Variants in CELF2 observed in about 807,000 individuals in gnomAD.
CELF2 encodes the protein CUGBP Elav-like family member 2.
Under a neutral mutation model 62.6 loss-of-function variants are expected in CELF2, and 8 were observed. That is an observed-to-expected ratio of 0.13 (90% CI 0.07 to 0.23). CELF2 has a LOEUF of 0.23. CELF2 is among the 10% of genes least tolerant of loss of function. The probability of loss-of-function intolerance (pLI) is 1.00; values close to 1 mark genes in which losing one functional copy is unlikely to be tolerated. For missense variants in CELF2, 333 were observed against 671.0 expected, an observed-to-expected ratio of 0.50 and a Z score of 5.56; for synonymous variants, 258 against 250.0, an observed-to-expected ratio of 1.03 and a Z score of -0.30.
chr10:10,649,704 A>C, the CELF2 span, among the ~76,000 whole-genome samples: 1 of 152,220 alleles, frequency 6.6e-6, no homozygotes, highest in Non-Finnish European at 1.5e-5. Flanking sequence ...GTGAATTCCC[A>C]GGACCCCAGA....
chr10:11,233,295 C>T (rs539117344), intron 3 of CELF2, among the ~76,000 whole-genome samples: 3 of 152,296 alleles, frequency 2.0e-5, no homozygotes, highest in Non-Finnish European at 4.4e-5. Context: ...ACGCTGTCTC[C>T]TAAGTTACAG....
chr10:11,171,140 T>A (rs1385017649), intron 2 of CELF2: 1 of 152,236 alleles, frequency 6.6e-6, no homozygotes, highest in East Asian at 1.9e-4. Flanking sequence ...CCTTTTTTCT[T>A]GCAGTATGTT....
chr10:11,313,904 C>G (rs2094734765), intron 9 of CELF2, among the ~76,000 whole-genome samples: 1 of 152,144 alleles, frequency 6.6e-6, no homozygotes. Flanking sequence ...CGCAGATTTC[C>G]CCACCATCCA....
the CELF2 span, among the ~76,000 whole-genome samples, chr10:10,468,791 G>A: frequency 2.0e-5 from 3 of 151,808 alleles, no homozygotes; most frequent in African/African-American, 7.3e-5. Flanking sequence ...AGTTTATGTG[G>A]GTAACTATCC....
chr10:10,585,539 G>T, the CELF2 span, among the ~76,000 whole-genome samples: 1 of 152,206 alleles, frequency 6.6e-6, no homozygotes, highest in African/African-American at 2.4e-5. Context: ...TTGTGTGGAA[G>T]TGCAGTATTT....
chr10:10,921,351 C>A (rs2064890884), intron 2 of CELF2, among the ~76,000 whole-genome samples: 1 of 150,486 alleles, frequency 6.6e-6, no homozygotes, highest in Non-Finnish European at 1.5e-5. Flanking sequence ...CTCACTGCAA[C>A]CTCCGCCCCT....
chr10:11,334,680 C>G lies in CELF2; in HGVS notation c.*5627C>G, dbSNP rs2096085987. Reference sequence around the variant, plus strand: ...TGACCACACAGGTTAATTTCCCCTTCTCTCCCCTCCCTCATGAGTCTATCC... The same window carrying G: ...TGACCACACAGGTTAATTTCCCCTTGTCTCCCCTCCCTCATGAGTCTATCC... On this transcript the variant is annotated 3_prime_UTR_variant, in exon 13 of 13. Transcript: ENST00000633077. The G allele has an allele frequency of 6.6e-6, 1 of 152,194 alleles. No individual in the cohort carries two copies. Among genetic ancestry groups the G allele is most frequent in the African/African-American group, 2.4e-5 (1 of 41,438 alleles). The allele number at this position is 152,194 out of a possible 1,614,324, so 9.4% of individuals were successfully genotyped here.
the CELF2 span, among the ~76,000 whole-genome samples, chr10:10,654,426 T>G: frequency 1.8e-5 from 2 of 111,256 alleles, no homozygotes; most frequent in Non-Finnish European, 3.9e-5. Context: ...AAAAGAGAAT[T>G]TTAGACCAAT....
At chr10:10,902,288 A>G (rs1034837849) in intron 1 of CELF2, among the ~76,000 whole-genome samples, 1 of 152,250 alleles carries the variant, frequency 6.6e-6, no homozygotes, top group Non-Finnish European at 1.5e-5. Context: ...AGATGTGTAC[A>G]TGAATGTTCA....
At chr10:10,607,859 G>C in the CELF2 span, among the ~76,000 whole-genome samples, 1 of 152,192 alleles carries the variant, frequency 6.6e-6, no homozygotes, top group African/African-American at 2.4e-5. Flanking sequence ...GGGAGGCAGA[G>C]GCAGGAGAAT....
rs1249766437 is a variant in CELF2 at position 11,039,665 on chromosome 10, G to C, written c.74+21502G>C. ...ATTTAAAGCCACTCAATGGAAGATAGGTTAAGTGTACTTCATAATTTTGAT... is the reference window on the plus strand; with the variant it reads ...ATTTAAAGCCACTCAATGGAAGATACGTTAAGTGTACTTCATAATTTTGAT... On this transcript the variant is annotated intron_variant, in intron 1 of 12. Transcript: ENST00000633077. This position sits in a 1 kb window ranked among gnomAD's most constrained non-coding sequence, Gnocchi z 4.1. Among the ~76,000 whole-genome samples, 1 of 152,196 alleles carries C rather than the reference G, an allele frequency of 6.6e-6. No individual in the cohort carries two copies. The highest frequency in any genetic ancestry group is 1.5e-5 in the Non-Finnish European group (1 of 68,038).
the CELF2 span, among the ~76,000 whole-genome samples, chr10:10,695,517 G>A: frequency 1.3e-5 from 2 of 150,950 alleles, no homozygotes; most frequent in African/African-American, 4.9e-5. Flanking sequence ...GTATCTTTGT[G>A]GCGTTGTCTG....
intron 1 of CELF2, among the ~76,000 whole-genome samples, chr10:11,022,113 A>T (rs1339396482): frequency 6.6e-6 from 1 of 152,236 alleles, no homozygotes; most frequent in Non-Finnish European, 1.5e-5. Flanking sequence ...ACTGGCATTT[A>T]TCACCTGATA....
chr10:10,797,744 C>G (rs2054238845), upstream of CELF2, among the ~76,000 whole-genome samples: 1 of 152,142 alleles, frequency 6.6e-6, no homozygotes, highest in Admixed American at 6.5e-5. Flanking sequence ...CTGCGGAGGT[C>G]TTAGTTCAAA....
chr10:11,293,586 A>G (rs1311032389), intron 9 of CELF2, among the ~76,000 whole-genome samples: 1 of 152,126 alleles, frequency 6.6e-6, no homozygotes, highest in Admixed American at 6.5e-5. Context: ...CGTTCTGCAG[A>G]CGTCACCCCT....
chr10:10,689,360 G>A, the CELF2 span, among the ~76,000 whole-genome samples: 1 of 152,028 alleles, frequency 6.6e-6, no homozygotes, highest in African/African-American at 2.4e-5. Flanking sequence ...GAACAGCAAG[G>A]TGGAAAATCT....
intron 9 of CELF2, among the ~76,000 whole-genome samples, chr10:11,308,986 G>C (rs2094425460): frequency 1.3e-5 from 2 of 152,128 alleles, no homozygotes; most frequent in Admixed American, 1.3e-4. Flanking sequence ...TATAATTTCA[G>C]CCTTTTTATT....
At chr10:11,121,227 T>C (rs982481905) in intron 1 of CELF2, among the ~76,000 whole-genome samples, 1 of 152,152 alleles carries the variant, frequency 6.6e-6, no homozygotes, top group African/African-American at 2.4e-5. Flanking sequence ...AATTACATGG[T>C]TGATACAAAA....
At chr10:11,286,565 A>G (rs528120537) in intron 8 of CELF2, among the ~76,000 whole-genome samples, 1 of 152,344 alleles carries the variant, frequency 6.6e-6, no homozygotes, top group South Asian at 2.1e-4. Flanking sequence ...TGCTGGGGCC[A>G]TGTTGGTCTG....
Sources: gnomAD v4.1 joint callset for allele counts (sites outside exome capture counted in the v4.1 genomes callset) on GRCh38, gnomAD v4.1.1 for gene constraint, Gnocchi (gnomAD v3.1) non-coding constraint, MANE v1.5 for transcripts, NCBI Gene and HGNC (gene_info 2026-07-23, HGNC 2026-07-21) for gene names.